The following ACOT7 variants were observed in gnomAD, a reference collection of about 807,000 sequenced individuals.
ACOT7 encodes cytosolic acyl coenzyme A thioester hydrolase.
Under a neutral mutation model 40.2 loss-of-function variants are expected in ACOT7, and 12 were observed. The observed-to-expected ratio is 0.30, with a 90% CI of 0.19 to 0.48. ACOT7 has a LOEUF of 0.48. Ranked by LOEUF, ACOT7 falls within the 20% of genes least tolerant of loss-of-function variation. The pLI is 0.99. For missense variants in ACOT7, 395 were observed against 530.8 expected, an observed-to-expected ratio of 0.74 and a Z score of 2.51; for synonymous variants, 228 against 219.5, an observed-to-expected ratio of 1.04 and a Z score of -0.34.
At chr1:6,272,021 G>A (rs1639051014) in intron 8 of ACOT7, among the ~76,000 whole-genome samples, 3 of 152,262 alleles carry the variant, frequency 2.0e-5, no homozygotes, top group Admixed American at 2.0e-4. Flanking sequence ...GCCGGAGTGT[G>A]GACATGGCGG....
At chr1:6,277,767 C>T (rs1639238712) in intron 8 of ACOT7, among the ~76,000 whole-genome samples, 1 of 152,234 alleles carries the variant, frequency 6.6e-6, no homozygotes, top group East Asian at 1.9e-4. Context: ...TCATTCCCTG[C>T]TGTCTTCTTC....
At chr1:6,331,955 G>A (rs1170990234) in intron 4 of ACOT7, among the ~76,000 whole-genome samples, 1 of 152,144 alleles carries the variant, frequency 6.6e-6, no homozygotes, top group African/African-American at 2.4e-5. Context: ...TGGCAGCAGG[G>A]ACCGAGGCCC....
At position 6,301,044 on chromosome 1, in the gene ACOT7, G is replaced by C. The variant is rs1639962366; in HGVS notation, c.713-6064C>G. ...ATCCTGTCCTGTGACATCGAGTCCAGAGTGGAATTCTTCCCAAGATGATTG... is the reference window on the plus strand; with the variant it reads ...ATCCTGTCCTGTGACATCGAGTCCACAGTGGAATTCTTCCCAAGATGATTG... On this transcript the variant is annotated intron_variant, in intron 6 of 8. Coordinates refer to ENST00000361521, the MANE Select transcript of ACOT7 (RefSeq NM_007274.4). This position sits in a 1 kb window ranked among gnomAD's most constrained non-coding sequence, Gnocchi z 4.1. Among the ~76,000 whole-genome samples the C allele has an allele frequency of 6.6e-6, 1 of 152,236 alleles. No homozygotes were observed. Among genetic ancestry groups the C allele is most frequent in the African/African-American group, 2.4e-5 (1 of 41,452 alleles).
rs759321280 is a variant in ACOT7 at position 6,282,771 on chromosome 1, G to A, written c.830-1485C>T. On this transcript the variant is annotated intron_variant, in intron 7 of 8. Transcript: ENST00000361521. This position sits in a 1 kb window ranked among gnomAD's most constrained non-coding sequence, Gnocchi z 4.5. ...TGGGAGAGGAGGAAGGAGCTGTGTG[G>A]TCAGCGCCAGCAGGCATTACGTGAG... is the stretch of plus-strand genomic sequence containing the variant. 8 of 1,304,180 alleles carry A rather than the reference G, an allele frequency of 6.1e-6. No individual in the cohort carries two copies. In the South Asian group the frequency reaches 7.4e-5, roughly 12 times the overall value. 80.8% of individuals were successfully genotyped at this position (1,304,180 alleles called of 1,614,324 possible).
At chr1:6,297,596 C>T (rs1639844894) in intron 6 of ACOT7, among the ~76,000 whole-genome samples, 1 of 152,210 alleles carries the variant, frequency 6.6e-6, no homozygotes, top group Non-Finnish European at 1.5e-5. Flanking sequence ...TAATGAGAGG[C>T]ACGCATCTTG....
At chr1:6,365,523 A>G (rs1030876573) in intron 1 of ACOT7, among the ~76,000 whole-genome samples, 5 of 152,156 alleles carry the variant, frequency 3.3e-5, no homozygotes, top group Non-Finnish European at 5.9e-5. Context: ...TAATCCCAGC[A>G]CTTTGGGAGG....
intron 5 of ACOT7, among the ~76,000 whole-genome samples, chr1:6,321,145 C>A (rs1640634612): frequency 1.3e-5 from 2 of 152,216 alleles, no homozygotes. Flanking sequence ...TGCTCAGCCT[C>A]CTGGAAGGTT....
rs1641205308 is a variant in ACOT7 at position 6,339,595 on chromosome 1, G to A, written c.262-6C>T. 6.2e-7 allele frequency: 1 copy of A among 1,611,276 alleles called. No individual in the cohort carries two copies. Among genetic ancestry groups the A allele is most frequent in the Non-Finnish European group, 8.5e-7 (1 of 1,178,326 alleles). Reference sequence around the variant, plus strand: ...AGGGCGGCCACACAGCGCTCCTGTGGAGACAGAGGCAGTTGTCAGCCCAGG... The same window carrying A: ...AGGGCGGCCACACAGCGCTCCTGTGAAGACAGAGGCAGTTGTCAGCCCAGG... On this transcript the variant is annotated splice_polypyrimidine_tract_variant and splice_region_variant and intron_variant, in intron 2 of 8. Coordinates refer to ENST00000361521, the MANE Select transcript of ACOT7 (RefSeq NM_007274.4).
At chr1:6,308,371 G>T (rs930514208) in intron 6 of ACOT7, among the ~76,000 whole-genome samples, 2 of 151,232 alleles carry the variant, frequency 1.3e-5, no homozygotes, top group East Asian at 2.0e-4. Flanking sequence ...CAGGCAGGGG[G>T]AACAGCGACC....
chr1:6,310,991 G>T (rs1557644812), intron 6 of ACOT7, among the ~76,000 whole-genome samples: 1 of 152,126 alleles, frequency 6.6e-6, no homozygotes, highest in African/African-American at 2.4e-5. Flanking sequence ...ACCTGCCTTG[G>T]CCTCCCAAAG....
chr1:6,340,179 A>G (rs868184733), intron 2 of ACOT7, among the ~76,000 whole-genome samples: 97 of 152,064 alleles, frequency 6.4e-4, no homozygotes, highest in African/African-American at 2.1e-3. Flanking sequence ...TGTTAGCCAG[A>G]ATGGTCTCAA....
intron 6 of ACOT7, among the ~76,000 whole-genome samples, chr1:6,317,150 C>G (rs79960911): frequency 0.025 from 3,782 of 152,286 alleles, 71 homozygotes; most frequent in Non-Finnish European, 0.038. Flanking sequence ...CCAAGAACAG[C>G]TGCACCCAGC....
chr1:6,363,758 A>G (rs1261746010), intron 1 of ACOT7, among the ~76,000 whole-genome samples: 4 of 151,754 alleles, frequency 2.6e-5, no homozygotes, highest in African/African-American at 4.8e-5. Context: ...AAATAACAGC[A>G]CAGCCAGGCA....
intron 1 of ACOT7, chr1:6,385,399 A>C (rs1642418667): frequency 1.4e-6 from 2 of 1,461,758 alleles, no homozygotes; most frequent in Non-Finnish European, 1.9e-6. Context: ...TACCCTCCCC[A>C]AAACTCCTCC....
chr1:6,323,732 AAAAAAATATATATATATAT>A (rs1463873082), intron 5 of ACOT7, among the ~76,000 whole-genome samples: 96 of 92,836 alleles, frequency 1.0e-3, no homozygotes, highest in African/African-American at 5.3e-3. Flanking sequence ...AAAAAAAAAA[AAAAAAATATATATATATAT>A]ATATATATAT....
In ACOT7 at chr1:6,333,659, C is replaced by T. The variant is rs927339823; in HGVS notation, c.419-91G>A. ...ACGTGGCAGGTGCTGCTCCAGCGCC[C>T]GGTCCCAGTACCTGAAACACACCAC... On this transcript the variant is annotated intron_variant, in intron 3 of 8. Coordinates refer to ENST00000361521, the MANE Select transcript of ACOT7 (RefSeq NM_007274.4). 46 of 1,262,722 alleles carry T rather than the reference C, an allele frequency of 3.6e-5. No individual in the cohort carries two copies. In the African/African-American group the frequency reaches 5.0e-4, roughly 14 times the overall value. The allele number at this position is 1,262,722 out of a possible 1,614,324, so 78.2% of individuals were successfully genotyped here.
At chr1:6,295,257 G>A (rs879748084) in intron 6 of ACOT7, 2 of 275,348 alleles carry the variant, frequency 7.3e-6, no homozygotes, top group African/African-American at 2.2e-5. Context: ...ACCCTGCTGG[G>A]CAAGTTTTGT....
chr1:6,277,819 T>C (rs1439689134), intron 8 of ACOT7, among the ~76,000 whole-genome samples: 1 of 152,210 alleles, frequency 6.6e-6, no homozygotes, highest in Non-Finnish European at 1.5e-5. Context: ...CTTCACTGTT[T>C]GTTTACTCCT....
intron 6 of ACOT7, among the ~76,000 whole-genome samples, chr1:6,315,374 G>A (rs1043449014): frequency 1.3e-5 from 2 of 152,168 alleles, no homozygotes; most frequent in South Asian, 2.1e-4. Flanking sequence ...TACTTTACAG[G>A]AAAATACGAT....
Sources: gnomAD v4.1 joint callset for allele counts (sites outside exome capture counted in the v4.1 genomes callset) on GRCh38, gnomAD v4.1.1 for gene constraint, Gnocchi (gnomAD v3.1) non-coding constraint, MANE v1.5 for transcripts, NCBI Gene and HGNC (gene_info 2026-07-23, HGNC 2026-07-21) for gene names.